Variants in ADAMTS12 observed in about 807,000 individuals in gnomAD.
The protein encoded by ADAMTS12 is A disintegrin and metalloproteinase with thrombospondin motifs 12.
ADAMTS12 carries 118 observed loss-of-function variants against 167.8 expected under a neutral mutation model. The observed-to-expected ratio is 0.70, with a 90% CI of 0.61 to 0.82. The LOEUF is 0.82. Ranked by LOEUF, ADAMTS12 falls within the 40% of genes least tolerant of loss-of-function variation. ADAMTS12 has a pLI of 0.00. For synonymous variants in ADAMTS12, 704 were observed against 716.9 expected, an observed-to-expected ratio of 0.98 and a Z score of 0.29; for missense variants, 1,916 against 1,998.8, an observed-to-expected ratio of 0.96 and a Z score of 0.79.
intron 23 of ADAMTS12, among the ~76,000 whole-genome samples, chr5:33,528,177 G>GA (rs888301326): frequency 6.6e-6 from 1 of 152,124 alleles, no homozygotes; most frequent in Non-Finnish European, 1.5e-5. Context: ...TTCAGGAATG[G>GA]AAAACCAAAT....
In ADAMTS12 at chr5:33,626,487, G is replaced by A. The variant is rs1331004362; in HGVS notation, c.2023-2136C>T. Among the ~76,000 whole-genome samples the A allele has an allele frequency of 5.3e-5, 8 of 151,826 alleles. No homozygotes were observed. In the South Asian group the frequency reaches 8.4e-4, roughly 16 times the overall value. Reference sequence around the variant, plus strand: ...GTGGTGGTGGTGATGTGGTAGTGGTGGTGGTCATTTGATGGTAGTGGTGGT... The same window carrying A: ...GTGGTGGTGGTGATGTGGTAGTGGTAGTGGTCATTTGATGGTAGTGGTGGT... On this transcript the variant is annotated intron_variant, in intron 13 of 23. Coordinates refer to ENST00000504830, the MANE Select transcript of ADAMTS12 (RefSeq NM_030955.4).
chr5:33,745,748 A>T (rs909943848), intron 3 of ADAMTS12, among the ~76,000 whole-genome samples: 16 of 151,860 alleles, frequency 1.1e-4, no homozygotes, highest in African/African-American at 3.6e-4. Context: ...AAAAGGCTTT[A>T]AAAAAAAACT....
chr5:33,754,033 T>G (rs2194240), intron 2 of ADAMTS12, among the ~76,000 whole-genome samples: 34,478 of 151,940 alleles, frequency 0.23, 5,375 homozygotes, highest in East Asian at 0.55. Context: ...GAATTCCTCA[T>G]CTGAGCTCTG....
At chr5:33,796,977 T>C (rs1010824480) in intron 2 of ADAMTS12, among the ~76,000 whole-genome samples, 7 of 152,156 alleles carry the variant, frequency 4.6e-5, no homozygotes, top group African/African-American at 1.7e-4. Context: ...AAGCTTGACT[T>C]CTCTCCAACT....
At chr5:33,637,340 T>C (rs1017484041) in intron 12 of ADAMTS12, among the ~76,000 whole-genome samples, 2 of 152,232 alleles carry the variant, frequency 1.3e-5, no homozygotes, top group Admixed American at 1.3e-4. Context: ...CAAGTCACCA[T>C]GTTTTATAAA....
At chr5:33,888,690 G>T (rs1010597978) in intron 1 of ADAMTS12, among the ~76,000 whole-genome samples, 3 of 152,180 alleles carry the variant, frequency 2.0e-5, no homozygotes, top group African/African-American at 7.2e-5. Flanking sequence ...AGAGGTCATG[G>T]AACAGACTGG....
intron 19 of ADAMTS12, among the ~76,000 whole-genome samples, chr5:33,574,439 C>T (rs1746566378): frequency 6.6e-6 from 1 of 152,138 alleles, no homozygotes; most frequent in Admixed American, 6.5e-5. Flanking sequence ...GAGTTCATGT[C>T]CTTTGTAGGG....
chr5:33,802,875 C>T (rs1900177), intron 2 of ADAMTS12, among the ~76,000 whole-genome samples: 1 of 152,108 alleles, frequency 6.6e-6, no homozygotes, highest in South Asian at 2.1e-4. Context: ...GACCTATTTG[C>T]GGCAAAAGTC....
Position 33,526,121 on chromosome 5 carries a change from A to C in ADAMTS12, c.*1067T>G, listed in dbSNP as rs945092634. The C allele has an allele frequency of 1.3e-5, 2 of 152,188 alleles. No individual in the cohort carries two copies. The highest frequency in any genetic ancestry group is 2.9e-5 in the Non-Finnish European group (2 of 68,016). 9.4% of individuals were successfully genotyped at this position (152,188 alleles called of 1,614,324 possible). On this transcript the variant is annotated 3_prime_UTR_variant, in exon 24 of 24. Transcript: ENST00000504830. The stretch of plus-strand genomic sequence containing the variant: ...TTTCTCTAGATTAGAAGTTTGCACT[A>C]TGTTCTTGTACTTAGTACAATTTAC...
intron 3 of ADAMTS12, among the ~76,000 whole-genome samples, chr5:33,723,718 C>G (rs1348430940): frequency 6.6e-6 from 1 of 152,132 alleles, no homozygotes; most frequent in Non-Finnish European, 1.5e-5. Context: ...TGGTACTCCC[C>G]AAATGTTTCA....
At position 33,588,855 on chromosome 5, in the gene ADAMTS12, A is replaced by G. The variant is rs765414663; in HGVS notation, c.2655-46T>C. The G allele has an allele frequency of 1.9e-6, 3 of 1,600,230 alleles. No homozygotes were observed. The South Asian group carries it at 3.3e-5, about 18-fold the overall frequency. On this transcript the variant is annotated intron_variant, in intron 17 of 23. Coordinates refer to ENST00000504830, the MANE Select transcript of ADAMTS12 (RefSeq NM_030955.4). ...GTGAGAGAAGATCGCCAACTTACGC[A>G]TATGTTCCATTCAACCACTGAGAAA... is the stretch of plus-strand genomic sequence containing the variant.
chr5:33,738,797 C>T (rs961365946), intron 3 of ADAMTS12, among the ~76,000 whole-genome samples: 1 of 152,222 alleles, frequency 6.6e-6, no homozygotes, highest in Non-Finnish European at 1.5e-5. Context: ...GGCCAGTGTT[C>T]TGGAGGAGCT....
At chr5:33,614,058 A>G (rs778532775) in intron 16 of ADAMTS12, among the ~76,000 whole-genome samples, 180 bp downstream of exon 16, 2 of 152,244 alleles carry the variant, frequency 1.3e-5, no homozygotes, top group Non-Finnish European at 2.9e-5. Context: ...GAGCTGATAA[A>G]AGAAAAACTG....
chr5:33,569,347 C>T (rs985045832), intron 19 of ADAMTS12, among the ~76,000 whole-genome samples: 1 of 152,220 alleles, frequency 6.6e-6, no homozygotes, highest in African/African-American at 2.4e-5. Flanking sequence ...AGGCACCCCC[C>T]AGTAGGGGCA....
At chr5:33,817,823 TA>T (rs1747722950) in intron 2 of ADAMTS12, among the ~76,000 whole-genome samples, 1 of 152,202 alleles carries the variant, frequency 6.6e-6, no homozygotes, top group Non-Finnish European at 1.5e-5. Flanking sequence ...TCTCATTTTT[TA>T]AAATATGTGA....
chr5:33,623,335 G>A (rs547403835), intron 14 of ADAMTS12, among the ~76,000 whole-genome samples: 4 of 152,268 alleles, frequency 2.6e-5, no homozygotes, highest in South Asian at 4.2e-4. Context: ...TTAACAGTCC[G>A]ATCTCCCTAG....
chr5:33,631,015 T>C (rs918125405), intron 12 of ADAMTS12, 102 bp from the exon 13 acceptor site: 20 of 1,401,994 alleles, frequency 1.4e-5, no homozygotes, highest in Non-Finnish European at 1.9e-5. Flanking sequence ...TCATTTACTC[T>C]GGCAATCCCA....
At position 33,576,841 on chromosome 5, in the gene ADAMTS12, A is replaced by G; in HGVS notation, c.3185T>C (p.Leu1062Pro). ...GCTATCTTGCCACTGTTTCCCACCCAGGTCTCCTTCTTTGGAGGCTGTGGT... is the reference window on the plus strand; with the variant it reads ...GCTATCTTGCCACTGTTTCCCACCCGGGTCTCCTTCTTTGGAGGCTGTGGT... Reference protein sequence around the residue: ...SPTTASKEGDLGGKQWQDSST... With the variant: ...SPTTASKEGDPGGKQWQDSST... The change falls in exon 19 of 24, where the codon CTG becomes CCG. Residue 1062 changes from leucine to proline, a missense_variant. Leu to Pro is a moderately conservative substitution (Grantham distance 98, BLOSUM62 -3). Transcript: ENST00000504830. 2 of 1,614,204 alleles carry G rather than the reference A, an allele frequency of 1.2e-6. No homozygotes were observed. The highest frequency in any genetic ancestry group is 1.7e-6 in the Non-Finnish European group (2 of 1,180,026).
chr5:33,754,861 AAAAT>A (rs373100027), intron 2 of ADAMTS12, among the ~76,000 whole-genome samples: 20 of 152,204 alleles, frequency 1.3e-4, no homozygotes, highest in South Asian at 4.2e-4. Context: ...ACTCCATCTC[AAAAT>A]AAATAAATAA....
Sources: allele counts gnomAD v4.1 joint callset (sites outside exome capture counted in the v4.1 genomes callset), GRCh38; gene constraint gnomAD v4.1.1; transcripts MANE v1.5; gene names NCBI Gene and HGNC (gene_info 2026-07-23, HGNC 2026-07-21).